SCN3A: variants seen among roughly 807,000 people sequenced by gnomAD.
SCN3A encodes the protein sodium channel protein type 3 subunit alpha.
SCN3A carries 60 observed loss-of-function variants against 187.6 expected under a neutral mutation model. That is an observed-to-expected ratio of 0.32 (90% CI 0.26 to 0.40). The LOEUF (loss-of-function observed/expected upper bound fraction) is 0.40. SCN3A is among the 10% of genes least tolerant of loss of function. The probability of loss-of-function intolerance (pLI) is 1.00; values close to 1 mark genes in which losing one functional copy is unlikely to be tolerated. For missense variants in SCN3A, 1,601 were observed against 2,428.2 expected, an observed-to-expected ratio of 0.66 and a Z score of 7.16; for synonymous variants, 788 against 829.2, an observed-to-expected ratio of 0.95 and a Z score of 0.85.
intron 11 of SCN3A, among the ~76,000 whole-genome samples, chr2:165,152,186 C>T (rs1688723939): frequency 6.6e-6 from 1 of 151,966 alleles, no homozygotes. Context: ...GAATATGTGA[C>T]CCATAATAAA....
rs1440902359 is a variant in SCN3A at position 165,092,024 on chromosome 2, C to T, written c.4807+230G>A. ...GGAGAGTACCTGATAATGTTTATTT[C>T]CTGTCTTCTTCACCTCTTTCCCAAA... On this transcript the variant is annotated intron_variant, in intron 27 of 27. Coordinates refer to ENST00000283254, the MANE Select transcript of SCN3A (RefSeq NM_006922.4). The surrounding 1 kb of genome is among the most constrained non-coding windows in gnomAD (Gnocchi z 4.2). 3.4e-6 allele frequency: 2 copies of T among 580,462 alleles called. No individual in the cohort carries two copies. Among genetic ancestry groups the T allele is most frequent in the Non-Finnish European group, 6.1e-6 (2 of 327,020 alleles). The allele number at this position is 580,462 out of a possible 1,614,324, so 36.0% of individuals were successfully genotyped here.
intron 18 of SCN3A, among the ~76,000 whole-genome samples, chr2:165,127,060 G>A (rs1687038989): frequency 6.6e-6 from 1 of 152,000 alleles, no homozygotes; most frequent in African/African-American, 2.4e-5. Flanking sequence ...CTCTTTTTTG[G>A]AAGGCTACTT....
rs2105789129 is a variant in SCN3A, at chr2:165,134,488, A to G, written c.2392-3071T>C. On this transcript the variant is annotated intron_variant, in intron 15 of 27. Coordinates refer to ENST00000283254, the MANE Select transcript of SCN3A (RefSeq NM_006922.4). ...CCTTACGAATATATAAATGCAGCTAACACTTCATTTTTTCCAATCACAGAT... is the reference window on the plus strand; with the variant it reads ...CCTTACGAATATATAAATGCAGCTAGCACTTCATTTTTTCCAATCACAGAT... Among the ~76,000 whole-genome samples the G allele has an allele frequency of 1.3e-5, 2 of 152,304 alleles. 1 individual carries two copies. Among genetic ancestry groups the G allele is most frequent in the South Asian group, 4.1e-4 (2 of 4,834 alleles).
rs1574134813 is a variant in SCN3A at position 165,115,499 on chromosome 2, G to T, written c.3470C>A (p.Thr1157Asn). The T allele has an allele frequency of 3.1e-6, 5 of 1,613,656 alleles. No individual in the cohort carries two copies. The highest frequency in any genetic ancestry group is 4.2e-6 in the Non-Finnish European group (5 of 1,179,876). ...CGGTTTAAGGTCTTCTTCGGGTTCAGTTTCAGCTTGTTCACCTTCTCGGGG... is the reference window on the plus strand; with the variant it reads ...CGGTTTAAGGTCTTCTTCGGGTTCATTTTCAGCTTGTTCACCTTCTCGGGG... ...VLPREGEQAE[T>N]EPEEDLKPEA... is the part of the protein sequence containing the mutation. Residue 1157 changes from threonine to asparagine, a missense_variant, in exon 19 of 28, where the codon ACT (threonine) becomes AAT (asparagine). This residue lies in a region of SCN3A where 267 missense variants were observed against 313.2 expected (regional missense o/e 0.85). Coordinates refer to ENST00000283254, the MANE Select transcript of SCN3A (RefSeq NM_006922.4).
chr2:165,175,961 T>C (rs1690424084), intron 3 of SCN3A, among the ~76,000 whole-genome samples, 170 bp downstream of exon 3: 1 of 152,174 alleles, frequency 6.6e-6, no homozygotes, highest in Non-Finnish European at 1.5e-5. Context: ...TGACTTCATT[T>C]CTTATAAATG....
intron 21 of SCN3A, among the ~76,000 whole-genome samples, chr2:165,104,535 C>A (rs187850690): frequency 3.2e-4 from 48 of 150,142 alleles, no homozygotes; most frequent in African/African-American, 1.1e-3. Flanking sequence ...AAACAAAATT[C>A]TCCAACTAAA....
intron 1 of SCN3A, among the ~76,000 whole-genome samples, chr2:165,200,831 A>C (rs1305749203): frequency 6.6e-6 from 1 of 152,108 alleles, no homozygotes; most frequent in Admixed American, 6.6e-5. Flanking sequence ...ACGAAGCTAC[A>C]CTTAGAAACA....
At chr2:165,157,402 G>T (rs1421548043) in intron 9 of SCN3A, among the ~76,000 whole-genome samples, 1 of 152,174 alleles carries the variant, frequency 6.6e-6, no homozygotes, top group Non-Finnish European at 1.5e-5. Flanking sequence ...ATTGGGATTT[G>T]TCTAATGTTT....
chr2:165,192,393 A>T (rs1691667946), intron 1 of SCN3A, among the ~76,000 whole-genome samples: 1 of 152,254 alleles, frequency 6.6e-6, no homozygotes, highest in Admixed American at 6.5e-5. Flanking sequence ...TCAGGGACTG[A>T]TTACTTCATT....
In SCN3A at chr2:165,175,907, A is replaced by G. The variant is rs1690421442; in HGVS notation, c.264+224T>C. On this transcript the variant is annotated intron_variant, in intron 3 of 27. Transcript: ENST00000283254. ...ATCTGAATTATCACTGTGAAATTGT[A>G]GAAATCATTCATCTATTCATATTTC... Among the ~76,000 whole-genome samples the G allele has an allele frequency of 1.3e-5, 2 of 152,200 alleles. 1 individual carries two copies. Among genetic ancestry groups the G allele is most frequent in the Middle Eastern group, 6.3e-3 (2 of 316 alleles).
At chr2:165,105,053 A>T (rs1259459202) in intron 21 of SCN3A, among the ~76,000 whole-genome samples, 1 of 152,172 alleles carries the variant, frequency 6.6e-6, no homozygotes, top group African/African-American at 2.4e-5. Context: ...TCAAAAAATG[A>T]TCAGAAGGCT....
At chr2:165,171,730 G>T (rs1690112561) in intron 3 of SCN3A, among the ~76,000 whole-genome samples, 2 of 151,866 alleles carry the variant, frequency 1.3e-5, no homozygotes, top group Admixed American at 1.3e-4. Flanking sequence ...ACATTAATTT[G>T]TACTCTTTTA....
At chr2:165,169,901 C>A (rs11890144) in intron 4 of SCN3A, among the ~76,000 whole-genome samples, 1 of 150,864 alleles carries the variant, frequency 6.6e-6, no homozygotes, top group African/African-American at 2.4e-5. Flanking sequence ...TACATGAGCA[C>A]ATAGTAAGAG....
chr2:165,147,275 C>T (rs1253679041), intron 11 of SCN3A, among the ~76,000 whole-genome samples: 1 of 88,822 alleles, frequency 1.1e-5, no homozygotes. Context: ...TCTGGATTGT[C>T]TTTTTTTTGG....
chr2:165,096,355 T>C, intron 24 of SCN3A, 112 bp downstream of exon 24: 2 of 788,298 alleles, frequency 2.5e-6, no homozygotes, highest in Non-Finnish European at 4.4e-6. Flanking sequence ...ATTTTTTATA[T>C]GCAATATTAA....
chr2:165,113,050 T>G lies in SCN3A; in HGVS notation c.3678A>C (p.Glu1226Asp), dbSNP rs1686196404. The G allele has an allele frequency of 1.2e-6, 2 of 1,610,608 alleles. No homozygotes were observed. The highest frequency in any genetic ancestry group is 1.7e-6 in the Non-Finnish European group (2 of 1,178,104). ...TCTTTCGCTGTTCAATGTATATATC[T>G]TCAAAGGCCTATGAATCAAAAATAT... ...ILLSSGALAF[E>D]DIYIEQRKTI... Residue 1226 changes from glutamate (E) to aspartate (D), a missense_variant, in exon 21 of 28, where the codon GAA (glutamate) becomes GAC (aspartate). By Grantham distance (45) the Glu-to-Asp change is conservative. This residue lies in a region of SCN3A where 267 missense variants were observed against 313.2 expected (regional missense o/e 0.85). Transcript: ENST00000283254.
In SCN3A at chr2:165,092,228, C is replaced by T. The variant is rs202056947; in HGVS notation, c.4807+26G>A. Reference sequence around the variant, plus strand: ...GGGCAACTGTTTCTCTGTAACTATACCTCTTGGTAATTAAGCTGTTCTTAC... The same window carrying T: ...GGGCAACTGTTTCTCTGTAACTATATCTCTTGGTAATTAAGCTGTTCTTAC... On this transcript the variant is annotated intron_variant, in intron 27 of 27. Coordinates refer to ENST00000283254, the MANE Select transcript of SCN3A (RefSeq NM_006922.4). The surrounding 1 kb of genome is among the most constrained non-coding windows in gnomAD (Gnocchi z 4.2). 127 of 1,610,954 alleles carry T rather than the reference C, an allele frequency of 7.9e-5. No individual in the cohort carries two copies. The highest frequency in any genetic ancestry group is 1.0e-4 in the Non-Finnish European group (122 of 1,177,362).
intron 9 of SCN3A, among the ~76,000 whole-genome samples, chr2:165,159,811 T>C (rs1689251271): frequency 7.3e-6 from 1 of 136,680 alleles, no homozygotes; most frequent in South Asian, 2.3e-4. Context: ...ATTTCTTTAA[T>C]GGAATGTGCC....
intron 1 of SCN3A, among the ~76,000 whole-genome samples, chr2:165,187,581 T>C (rs1317690471): frequency 2.0e-5 from 3 of 152,222 alleles, no homozygotes; most frequent in Non-Finnish European, 4.4e-5. Flanking sequence ...ATTTTATACA[T>C]GGTCTATACA....
Sources: allele counts gnomAD v4.1 joint callset (sites outside exome capture counted in the v4.1 genomes callset), GRCh38; gene constraint gnomAD v4.1.1; regional missense constraint gnomAD v4.1.1; non-coding constraint Gnocchi (gnomAD v3.1); transcripts MANE v1.5; gene names NCBI Gene and HGNC (gene_info 2026-07-23, HGNC 2026-07-21).